The following VWF variants were observed in gnomAD, a reference collection of about 807,000 sequenced individuals.
VWF encodes von Willebrand factor.
Under a neutral mutation model 308.6 loss-of-function variants are expected in VWF, and 176 were observed. The observed-to-expected ratio is 0.57, with a 90% CI of 0.50 to 0.65. The LOEUF (loss-of-function observed/expected upper bound fraction) is 0.65, where lower values mean the gene tolerates loss of function less well. Among genes scored for constraint, VWF ranks in the 30% least tolerant of loss-of-function variants. VWF has a pLI of 0.00. For missense variants in VWF, 3,146 were observed against 3,648.2 expected (o/e 0.86, Z 3.55); for synonymous variants, 1,385 against 1,443.4 (o/e 0.96, Z 0.92).
In VWF at chr12:6,123,038, T is replaced by A; in HGVS notation, c.55+104A>T. On this transcript the variant is annotated intron_variant, in intron 2 of 51. Transcript: ENST00000261405. ...GGCAACCAACAGCCTAAGTTAGGGC[T>A]GGGCACACAGGTGAGCTCCAGACAC... is the stretch of plus-strand genomic sequence containing the variant. 4 of 1,452,616 alleles carry A rather than the reference T, an allele frequency of 2.8e-6. No homozygotes were observed. In the South Asian group the frequency reaches 3.4e-5, roughly 12 times the overall value. The allele number at this position is 1,452,616 out of a possible 1,614,324, so 90.0% of individuals were successfully genotyped here.
Position 5,996,012 on chromosome 12 carries a change from C to T in VWF, c.6053G>A (p.Ser2018Asn). ...GAAAGTACTTCTCACCTCCATGTCA[C>T]TGTGCAGCTCGACGGAGAGGGCACT... ...KHSALSVELH[S>N]DMEVTVNGRL... is the part of the protein sequence containing the mutation. Residue 2018 changes from serine (S) to asparagine (N), a missense_variant, in exon 35 of 52, where the codon AGT (serine) becomes AAT (asparagine). Physicochemically the swap from Ser to Asn is conservative, Grantham distance 46 (BLOSUM62 1). Around this residue, in one of 3 missense-constraint regions of VWF, gnomAD observed 989 missense variants for 1,117.4 expected, o/e 0.89. Transcript: ENST00000261405. The T allele has an allele frequency of 6.2e-7, 1 of 1,612,830 alleles. No homozygotes were observed. Among genetic ancestry groups the T allele is most frequent in the South Asian group, 1.1e-5 (1 of 90,960 alleles).
intron 47 of VWF, among the ~76,000 whole-genome samples, chr12:5,964,300 A>ATACATACATGCATACATACATACATACAT (rs1267334614): frequency 2.0e-5 from 3 of 151,962 alleles, no homozygotes; most frequent in Non-Finnish European, 4.4e-5. Context: ...ACATACATAC[A>ATACATACATGCATACATACATACATACAT]AAAAGCTACC....
intron 6 of VWF, among the ~76,000 whole-genome samples, chr12:6,085,870 A>C (rs1008912346): frequency 1.3e-5 from 2 of 152,212 alleles, no homozygotes; most frequent in Admixed American, 1.3e-4. Context: ...CACGTTCAGC[A>C]CATGTATCCC....
chr12:6,067,667 T>C lies in VWF; in HGVS notation c.1157-2394A>G, dbSNP rs560023974. ...GAACGTCAGCCAGAACTATGGGCCA[T>C]GCGAACACGCTCACCCATCCTCCAC... On this transcript the variant is annotated intron_variant, in intron 10 of 51. Coordinates refer to ENST00000261405, the MANE Select transcript of VWF (RefSeq NM_000552.5). 7.2e-5 allele frequency among the ~76,000 whole-genome samples: 11 copies of C among 152,180 alleles called. No homozygotes were observed. The South Asian group carries it at 2.3e-3, about 32-fold the overall frequency.
intron 6 of VWF, chr12:6,095,250 C>T (rs1945093135): frequency 1.5e-6 from 1 of 686,528 alleles, no homozygotes; most frequent in Non-Finnish European, 2.6e-6. Context: ...GACTGAGACA[C>T]TACACCAAGT....
At chr12:6,113,349 G>C (rs1945331583) in intron 3 of VWF, among the ~76,000 whole-genome samples, 1 of 150,656 alleles carries the variant, frequency 6.6e-6, no homozygotes, top group African/African-American at 2.5e-5. Flanking sequence ...CCAGGCTGGA[G>C]TGCAGTGGCG....
intron 40 of VWF, among the ~76,000 whole-genome samples, chr12:5,983,978 A>G (rs867853752): frequency 2.1e-4 from 21 of 102,278 alleles, no homozygotes; most frequent in African/African-American, 4.3e-4. Context: ...ATAGATGGAT[A>G]GATAGATAGA....
At chr12:6,112,858 C>T (rs1261617328) in intron 3 of VWF, among the ~76,000 whole-genome samples, 3 of 137,954 alleles carry the variant, frequency 2.2e-5, no homozygotes, top group Admixed American at 7.2e-5. Flanking sequence ...ACACACCACA[C>T]GCACACACAC....
rs745458385 is a variant in VWF at position 5,967,473 on chromosome 12, G to A, written c.7887+13C>T. 3 of 1,613,246 alleles carry A rather than the reference G, an allele frequency of 1.9e-6. No homozygotes were observed. Among genetic ancestry groups the A allele is most frequent in the South Asian group, 2.2e-5 (2 of 91,066 alleles). On this transcript the variant is annotated intron_variant, in intron 47 of 51. Transcript: ENST00000261405. Reference sequence around the variant, plus strand: ...CCAGTCCATGCCCTCGGTCCCCATTGAGCCTCTCTTACCAGGGGGCAGGGG... The same window carrying A: ...CCAGTCCATGCCCTCGGTCCCCATTAAGCCTCTCTTACCAGGGGGCAGGGG...
rs373064589 is a variant in VWF at position 6,016,268 on chromosome 12, T to A, written c.5312-36A>T. 4 of 1,614,118 alleles carry A rather than the reference T, an allele frequency of 2.5e-6. No individual in the cohort carries two copies. The African/African-American group carries it at 5.3e-5, about 22-fold the overall frequency. On this transcript the variant is annotated intron_variant, in intron 30 of 51. Coordinates refer to ENST00000261405, the MANE Select transcript of VWF (RefSeq NM_000552.5). ...AGAACAGATCACGCCAAGTCAGTAC[T>A]GACTGCGGCTCGACACCCTGTCTTA...
chr12:6,071,225 G>C, intron 10 of VWF, 72 bp downstream of exon 10: 3 of 1,572,928 alleles, frequency 1.9e-6, no homozygotes, highest in Non-Finnish European at 2.6e-6. Context: ...GGCCCTCCCT[G>C]TCTGGTAAGA....
intron 6 of VWF, among the ~76,000 whole-genome samples, chr12:6,084,161 G>A (rs930958870): frequency 4.6e-5 from 7 of 152,194 alleles, no homozygotes; most frequent in Non-Finnish European, 1.0e-4. Flanking sequence ...GATGGTTTCT[G>A]CAAAATGAAA....
chr12:6,038,404 C>T (rs1406241011), intron 18 of VWF, among the ~76,000 whole-genome samples: 1 of 152,248 alleles, frequency 6.6e-6, no homozygotes, highest in Non-Finnish European at 1.5e-5. Context: ...CTCCCCTTAC[C>T]TCAGCAGCAC....
chr12:6,123,574 G>T (rs1051483854), intron 1 of VWF, among the ~76,000 whole-genome samples: 5 of 152,132 alleles, frequency 3.3e-5, no homozygotes, highest in African/African-American at 2.4e-5. Flanking sequence ...CCAAACTGGC[G>T]AGTAGGAACC....
At chr12:5,971,047 G>A (rs907206794) in intron 44 of VWF, among the ~76,000 whole-genome samples, 1 of 152,230 alleles carries the variant, frequency 6.6e-6, no homozygotes, top group Non-Finnish European at 1.5e-5. Flanking sequence ...GGACTGGCGG[G>A]GGTGAGCCAG....
At chr12:6,041,690 G>A (rs984080327) in intron 18 of VWF, among the ~76,000 whole-genome samples, 3 of 151,912 alleles carry the variant, frequency 2.0e-5, no homozygotes, top group South Asian at 2.1e-4. Flanking sequence ...CTCGTAATCC[G>A]CCCGCCTCAG....
chr12:5,971,763 G>A, intron 43 of VWF, 54 bp from the exon 44 acceptor site: 1 of 1,482,724 alleles, frequency 6.7e-7, no homozygotes, highest in Non-Finnish European at 9.4e-7. Context: ...AGACACAGGG[G>A]CTCTTACCTA....
chr12:6,103,670 C>T (rs1025300054), intron 5 of VWF, among the ~76,000 whole-genome samples: 20 of 151,704 alleles, frequency 1.3e-4, no homozygotes, highest in Admixed American at 2.6e-4. Flanking sequence ...GGAAAGGACA[C>T]CCTCTTCAAC....
chr12:6,081,108 G>C (rs1208849939), intron 6 of VWF, among the ~76,000 whole-genome samples: 1 of 152,166 alleles, frequency 6.6e-6, no homozygotes, highest in Non-Finnish European at 1.5e-5. Flanking sequence ...GTTCAGGAAA[G>C]GCTGAGGCAA....
Sources: allele counts gnomAD v4.1 joint callset (sites outside exome capture counted in the v4.1 genomes callset), GRCh38; gene constraint gnomAD v4.1.1; regional missense constraint gnomAD v4.1.1; transcripts MANE v1.5; gene names NCBI Gene and HGNC (gene_info 2026-07-23, HGNC 2026-07-21).